Variants in TTC3 observed in about 807,000 individuals in gnomAD.
TTC3 encodes E3 ubiquitin-protein ligase TTC3.
A neutral mutation model predicts 249.6 loss-of-function variants in TTC3; 180 were observed. The ratio of observed to expected loss-of-function variants is 0.72; its 90% confidence interval spans 0.64 to 0.82. The LOEUF (loss-of-function observed/expected upper bound fraction) is 0.82, where lower values mean the gene tolerates loss of function less well. Ranked by LOEUF, TTC3 falls within the 40% of genes least tolerant of loss-of-function variation. The pLI, the probability that TTC3 is intolerant of heterozygous loss-of-function variation, is 0.00. For synonymous variants in TTC3, 717 were observed against 805.0 expected (o/e 0.89, Z 1.85); for missense variants, 2,061 against 2,398.4 (o/e 0.86, Z 2.94).
At chr21:37,144,693 G>A (rs2078829817) in intron 21 of TTC3, 48 bp downstream of exon 21, 2 of 1,575,824 alleles carry the variant, frequency 1.3e-6, no homozygotes, top group Non-Finnish European at 1.7e-6. Flanking sequence ...ATGCTTATCT[G>A]CATTGACTGA....
chr21:37,167,809 AT>A (rs1299644792), intron 34 of TTC3, among the ~76,000 whole-genome samples, 189 bp downstream of exon 34: 1 of 151,784 alleles, frequency 6.6e-6, no homozygotes, highest in Non-Finnish European at 1.5e-5. Context: ...GGAAAAGGTA[AT>A]TTTTTTCCAG....
intron 1 of TTC3, among the ~76,000 whole-genome samples, chr21:37,076,694 A>T (rs374010143): frequency 1.4e-3 from 134 of 94,898 alleles, no homozygotes; most frequent in South Asian, 4.5e-3. Context: ...AAACAAAGGG[A>T]TTTTTTTTTT....
rs958255699 is a variant in TTC3, at chr21:37,124,884, T to C, written c.1233+142T>C. On this transcript the variant is annotated intron_variant, in intron 14 of 45. Transcript: ENST00000355666. ...TTGTTACTGAAATAATGATTCTCTT[T>C]TAAATAAATAATCTGAGTATCTCAT... is the stretch of plus-strand genomic sequence containing the variant. 1.6e-5 allele frequency: 11 copies of C among 703,568 alleles called. No individual in the cohort carries two copies. The African/African-American group carries it at 1.8e-4, about 12-fold the overall frequency. 43.6% of individuals were successfully genotyped at this position (703,568 alleles called of 1,614,324 possible). A position where few individuals can be genotyped will look rare whatever the true frequency, so the allele number is the denominator to read the frequency against.
intron 35 of TTC3, among the ~76,000 whole-genome samples, chr21:37,173,088 A>G (rs756464695): frequency 5.3e-5 from 8 of 152,198 alleles, no homozygotes; most frequent in Admixed American, 6.5e-5. Context: ...GAGGTTCAGA[A>G]TGAGAGCCCT....
At chr21:37,147,016 G>A (rs1024191878) in intron 21 of TTC3, among the ~76,000 whole-genome samples, 7 of 152,160 alleles carry the variant, frequency 4.6e-5, no homozygotes, top group African/African-American at 1.7e-4. Context: ...TAATTCTCCA[G>A]GGAGTCCACA....
intron 33 of TTC3, among the ~76,000 whole-genome samples, chr21:37,167,330 T>G (rs1218297342): frequency 6.6e-6 from 1 of 152,140 alleles, no homozygotes; most frequent in Non-Finnish European, 1.5e-5. Flanking sequence ...TCTAGGAAGC[T>G]TTGAAAAAAA....
intron 1 of TTC3, among the ~76,000 whole-genome samples, chr21:37,085,157 T>C (rs2835577): frequency 0.46 from 69,211 of 152,048 alleles, 16,283 homozygotes; most frequent in Non-Finnish European, 0.52. Context: ...TTGTAATTGA[T>C]GCCATGATGT....
chr21:37,136,996 A>G (rs568434306), intron 18 of TTC3, among the ~76,000 whole-genome samples: 16 of 152,342 alleles, frequency 1.1e-4, no homozygotes, highest in Non-Finnish European at 1.9e-4. Flanking sequence ...CAAAGCATGA[A>G]TGGCAGCACA....
At chr21:37,138,891 G>C (rs184841192) in intron 19 of TTC3, among the ~76,000 whole-genome samples, 177 bp downstream of exon 19, 9 of 152,166 alleles carry the variant, frequency 5.9e-5, no homozygotes, top group African/African-American at 7.2e-5. Flanking sequence ...TTAGAAAAAG[G>C]CTTTGCCAGG....
chr21:37,153,642 A>G (rs952869691), intron 27 of TTC3, among the ~76,000 whole-genome samples: 11 of 152,332 alleles, frequency 7.2e-5, no homozygotes, highest in Middle Eastern at 3.4e-3. Context: ...AAAAGGTGCA[A>G]TCTAAGGAAA....
chr21:37,160,902 A>ATGT (rs1459364088), intron 30 of TTC3, 44 bp downstream of exon 30: 1 of 1,575,646 alleles, frequency 6.3e-7, no homozygotes, highest in African/African-American at 1.4e-5. Context: ...AACTCTCCAA[A>ATGT]ATAGTTAGTT....
intron 35 of TTC3, among the ~76,000 whole-genome samples, chr21:37,182,567 C>A (rs150313547): frequency 8.5e-5 from 13 of 152,208 alleles, no homozygotes; most frequent in Admixed American, 4.6e-4. Flanking sequence ...GTACACGTAG[C>A]GGGTAGGATG....
chr21:37,186,953 G>A (rs985009078), intron 37 of TTC3, 96 bp from the exon 38 acceptor site: 10 of 645,422 alleles, frequency 1.5e-5, no homozygotes, highest in African/African-American at 3.8e-5. Context: ...TGAGGCTATC[G>A]TGGTGTGGTT....
chr21:37,155,962 T>A (rs191149592), intron 27 of TTC3, among the ~76,000 whole-genome samples: 164 of 152,240 alleles, frequency 1.1e-3, no homozygotes, highest in Non-Finnish European at 1.8e-3. Flanking sequence ...GGAATCCATA[T>A]AAAGAATCAT....
intron 20 of TTC3, among the ~76,000 whole-genome samples, chr21:37,144,185 A>T (rs577012225): frequency 5.7e-4 from 87 of 152,044 alleles, no homozygotes; most frequent in African/African-American, 2.1e-3. Flanking sequence ...TGGCACATGT[A>T]TACCTATGTA....
At chr21:37,108,070 G>A in intron 10 of TTC3, 1 of 190,468 alleles carries the variant, frequency 5.3e-6, no homozygotes, top group Non-Finnish European at 1.1e-5. Context: ...GGGCGACAGA[G>A]CGAGACTCTG....
intron 44 of TTC3, among the ~76,000 whole-genome samples, chr21:37,199,185 T>A (rs915295944): frequency 6.6e-6 from 1 of 152,098 alleles, no homozygotes; most frequent in East Asian, 1.9e-4. Context: ...AGCCTTGGGG[T>A]GATGCCTCCA....
At chr21:37,183,587 G>T (rs2082950936) in intron 36 of TTC3, among the ~76,000 whole-genome samples, 1 of 152,152 alleles carries the variant, frequency 6.6e-6, no homozygotes, top group Admixed American at 6.5e-5. Flanking sequence ...CCATTCTTCT[G>T]CTGGTCTTGC....
At chr21:37,185,116 C>T (rs2083115800) in intron 36 of TTC3, among the ~76,000 whole-genome samples, 1 of 152,162 alleles carries the variant, frequency 6.6e-6, no homozygotes, top group Non-Finnish European at 1.5e-5. Flanking sequence ...GTATTAGAAA[C>T]AAGCGGCTTT....
Sources: gnomAD v4.1 joint callset for allele counts (sites outside exome capture counted in the v4.1 genomes callset) on GRCh38, gnomAD v4.1.1 for gene constraint, MANE v1.5 for transcripts, NCBI Gene and HGNC (gene_info 2026-07-23, HGNC 2026-07-21) for gene names.